Variants in MYO1E observed in about 807,000 individuals in gnomAD.
The protein encoded by MYO1E is myosin IE, also known as unconventional myosin-Ie.
Under a neutral mutation model 151.1 loss-of-function variants are expected in MYO1E, and 68 were observed. The ratio of observed to expected loss-of-function variants is 0.45; its 90% CI spans 0.37 to 0.55. The LOEUF is 0.55. Among genes scored for constraint, MYO1E ranks in the 20% least tolerant of loss-of-function variants. The pLI is 0.00. For synonymous variants in MYO1E, 601 were observed against 501.7 expected (o/e 1.20, Z -2.64); for missense variants, 1,363 against 1,389.3 (o/e 0.98, Z 0.30).
At chr15:59,213,894 T>G (rs749802281) in intron 12 of MYO1E, among the ~76,000 whole-genome samples, 1 of 152,194 alleles carries the variant, frequency 6.6e-6, no homozygotes, top group Non-Finnish European at 1.5e-5. Flanking sequence ...CCAAGTCTTT[T>G]ATTTGGAACA....
At chr15:59,335,320 C>T (rs1263107231) in intron 1 of MYO1E, among the ~76,000 whole-genome samples, 1 of 152,116 alleles carries the variant, frequency 6.6e-6, no homozygotes, top group Non-Finnish European at 1.5e-5. Context: ...AGTGTGAAAA[C>T]GACTCCAAGC....
intron 1 of MYO1E, among the ~76,000 whole-genome samples, chr15:59,322,874 C>T (rs1464642076): frequency 1.3e-5 from 2 of 151,856 alleles, no homozygotes; most frequent in African/African-American, 2.4e-5. Flanking sequence ...AGAAATGGTG[C>T]TTTCTGGCCG....
chr15:59,260,912 T>C (rs116410792), intron 3 of MYO1E, among the ~76,000 whole-genome samples: 1,547 of 152,224 alleles, frequency 0.01, 28 homozygotes, highest in African/African-American at 0.035. Context: ...TCCTAAGCTT[T>C]TTTGAGCTCT....
chr15:59,155,440 C>G (rs1183927096), intron 25 of MYO1E, among the ~76,000 whole-genome samples: 1 of 152,184 alleles, frequency 6.6e-6, no homozygotes, highest in Admixed American at 6.5e-5. Context: ...TGGTCTTTCA[C>G]CACAGACAGT....
chr15:59,205,393 T>C lies in MYO1E; in HGVS notation c.1616+7A>G. 1.2e-6 allele frequency: 2 copies of C among 1,613,622 alleles called. No individual in the cohort carries two copies. Among genetic ancestry groups the C allele is most frequent in the Non-Finnish European group, 1.7e-6 (2 of 1,179,606 alleles). ...ATCCCCTGTCAGCTATGGCAAAACA[T>C]ACTTACAGCTCGCTGCTCTGCATAA... On this transcript the variant is annotated splice_region_variant and intron_variant, in intron 15 of 27. Transcript: ENST00000288235.
At chr15:59,322,244 A>G (rs1427350284) in intron 1 of MYO1E, among the ~76,000 whole-genome samples, 1 of 152,068 alleles carries the variant, frequency 6.6e-6, no homozygotes, top group African/African-American at 2.4e-5. Flanking sequence ...CAGTACCTGG[A>G]TGACAGTACC....
chr15:59,168,229 T>G (rs1046233767), intron 22 of MYO1E, among the ~76,000 whole-genome samples: 3 of 152,156 alleles, frequency 2.0e-5, no homozygotes, highest in Admixed American at 2.0e-4. Context: ...CATTTTATTA[T>G]GGAAAATTCT....
chr15:59,194,366 G>A (rs2079752973), intron 17 of MYO1E, among the ~76,000 whole-genome samples: 2 of 152,112 alleles, frequency 1.3e-5, no homozygotes, highest in Non-Finnish European at 2.9e-5. Context: ...TTTGACCTAC[G>A]TGTTTTTCTT....
At position 59,217,921 on chromosome 15, in the gene MYO1E, C is replaced by T. The variant is rs781655449; in HGVS notation, c.1077G>A (p.Leu359=). The T allele has an allele frequency of 1.9e-6, 3 of 1,614,202 alleles. No individual in the cohort carries two copies. The highest frequency in any genetic ancestry group is 4.5e-5 in the East Asian group (2 of 44,882). Residue 359 remains leucine (L), a synonymous_variant, in exon 10 of 28, where the codon CTG becomes CTA. Coordinates refer to ENST00000288235, the MANE Select transcript of MYO1E (RefSeq NM_004998.4). ...CCAAGAAATCAAAGACCCGGGCGTG[C>T]AGGGCCTTGGCGAGCGCATCCCGGG... ...CYTRDALAKA[L]HARVFDFLVD... is the part of the protein sequence containing the mutation.
At position 59,133,594 on chromosome 15, in the gene MYO1E, G is replaced by C. The variant is rs2079356179; in HGVS notation, c.*3786C>G. 6.6e-6 allele frequency: 1 copy of C among 152,166 alleles called. No individual in the cohort carries two copies. Among genetic ancestry groups the C allele is most frequent in the Non-Finnish European group, 1.5e-5 (1 of 68,066 alleles). 9.4% of individuals were successfully genotyped at this position (152,166 alleles called of 1,614,324 possible). A position where few individuals can be genotyped will look rare whatever the true frequency, so the allele number is the denominator to read the frequency against. Reference sequence around the variant, plus strand: ...ATCCAGAAAGAACTGCAATCAATCAGCTAGGCCTTGGGAGAAAAGCAAAAC... The same window carrying C: ...ATCCAGAAAGAACTGCAATCAATCACCTAGGCCTTGGGAGAAAAGCAAAAC... On this transcript the variant is annotated 3_prime_UTR_variant, in exon 28 of 28. Transcript: ENST00000288235.
intron 23 of MYO1E, 34 bp from the exon 24 acceptor site, chr15:59,161,264 G>A: frequency 6.2e-7 from 1 of 1,608,874 alleles, no homozygotes; most frequent in East Asian, 2.2e-5. Flanking sequence ...ACAGGTCGAA[G>A]GACGCAGTGA....
At chr15:59,287,679 A>G (rs765569664) in intron 1 of MYO1E, among the ~76,000 whole-genome samples, 34 of 152,332 alleles carry the variant, frequency 2.2e-4, no homozygotes, top group Admixed American at 6.5e-4. Flanking sequence ...TGTTTTTCCC[A>G]TGTCTGTGAG....
chr15:59,262,396 C>T (rs115283069), intron 2 of MYO1E, among the ~76,000 whole-genome samples: 6 of 151,812 alleles, frequency 4.0e-5, no homozygotes, highest in African/African-American at 9.7e-5. Context: ...GGGGGTGGAT[C>T]GCTTTAGGCC....
chr15:59,310,370 T>C (rs2080543450), intron 1 of MYO1E, among the ~76,000 whole-genome samples: 1 of 152,186 alleles, frequency 6.6e-6, no homozygotes, highest in Non-Finnish European at 1.5e-5. Flanking sequence ...AAATAGTCTT[T>C]GCGGATAGAA....
intron 26 of MYO1E, among the ~76,000 whole-genome samples, chr15:59,148,385 C>G (rs2079454774): frequency 6.6e-6 from 1 of 152,200 alleles, no homozygotes; most frequent in South Asian, 2.1e-4. Context: ...GTGGGTGTGC[C>G]TAGTCTATGT....
intron 25 of MYO1E, among the ~76,000 whole-genome samples, chr15:59,154,992 T>C (rs2079501713): frequency 6.6e-6 from 1 of 152,212 alleles, no homozygotes; most frequent in African/African-American, 2.4e-5. Flanking sequence ...GGCAAACAGC[T>C]GCTCTTCATC....
chr15:59,273,736 A>G (rs1244544327), intron 1 of MYO1E, among the ~76,000 whole-genome samples: 2 of 152,134 alleles, frequency 1.3e-5, no homozygotes, highest in Non-Finnish European at 2.9e-5. Flanking sequence ...AATATGAAGT[A>G]ATGGCAAATA....
At chr15:59,287,618 GATA>G (rs1334709907) in intron 1 of MYO1E, among the ~76,000 whole-genome samples, 1 of 152,190 alleles carries the variant, frequency 6.6e-6, no homozygotes, top group African/African-American at 2.4e-5. Flanking sequence ...TTGTGATAAA[GATA>G]ATGAGGAAGA....
intron 27 of MYO1E, 96 bp from the exon 28 acceptor site, chr15:59,137,552 C>T (rs2079380950): frequency 2.0e-6 from 2 of 992,222 alleles, no homozygotes; most frequent in South Asian, 1.3e-5. Context: ...TGATTTGGCT[C>T]CATCCATGTT....
Sources: allele counts gnomAD v4.1 joint callset (sites outside exome capture counted in the v4.1 genomes callset), GRCh38; gene constraint gnomAD v4.1.1; transcripts MANE v1.5; gene names NCBI Gene and HGNC (gene_info 2026-07-23, HGNC 2026-07-21).